Variants in LINGO2 observed in about 807,000 individuals in gnomAD.
LINGO2 encodes leucine-rich repeat and immunoglobulin-like domain-containing nogo receptor-interacting protein 2.
A neutral mutation model predicts 30.6 loss-of-function variants in LINGO2; 14 were observed. The ratio of observed to expected loss-of-function variants is 0.46; its 90% CI spans 0.30 to 0.72. The LOEUF is 0.72. Among genes scored for constraint, LINGO2 ranks in the 30% least tolerant of loss-of-function variants. LINGO2 has a pLI of 0.07. For missense variants in LINGO2, 729 were observed against 751.7 expected (o/e 0.97, Z 0.35); for synonymous variants, 317 against 288.5 (o/e 1.10, Z -1.00).
chr9:28,808,126 A>ATTATTTCTC, the LINGO2 span, among the ~76,000 whole-genome samples: 1 of 152,154 alleles, frequency 6.6e-6, no homozygotes, highest in Non-Finnish European at 1.5e-5. Context: ...TTTTCTCTCA[A>ATTATTTCTC]TGCCATTTCA....
intron 3 of LINGO2, among the ~76,000 whole-genome samples, chr9:28,356,365 T>G (rs911725386): frequency 1.3e-5 from 2 of 152,158 alleles, no homozygotes; most frequent in African/African-American, 4.8e-5. Context: ...TATTGTAACA[T>G]GTATAAACTC....
intron 2 of LINGO2, among the ~76,000 whole-genome samples, chr9:28,373,098 T>C (rs1820968510): frequency 6.6e-6 from 1 of 152,162 alleles, no homozygotes; most frequent in South Asian, 2.1e-4. Context: ...ATTTGCTTTT[T>C]AAAATTTCTT....
the LINGO2 span, among the ~76,000 whole-genome samples, chr9:29,023,012 G>T: frequency 6.6e-6 from 1 of 150,720 alleles, no homozygotes. Context: ...ATTATGAAAT[G>T]CCTCATTTTT....
chr9:28,077,081 C>T (rs946845572), intron 4 of LINGO2, among the ~76,000 whole-genome samples: 1 of 152,054 alleles, frequency 6.6e-6, no homozygotes, highest in Non-Finnish European at 1.5e-5. Context: ...CTGGTTTCTA[C>T]CCCATAGAAA....
At chr9:29,201,031 T>C in the LINGO2 span, among the ~76,000 whole-genome samples, 1 of 152,076 alleles carries the variant, frequency 6.6e-6, no homozygotes, top group Non-Finnish European at 1.5e-5. Context: ...ACAGTTGATG[T>C]TGACCTTGGT....
intron 5 of LINGO2, among the ~76,000 whole-genome samples, chr9:27,953,577 A>G (rs1198316487): frequency 6.6e-6 from 1 of 152,130 alleles, no homozygotes; most frequent in Non-Finnish European, 1.5e-5. Context: ...TGTTCTTGTG[A>G]TAATGAGAGT....
chr9:28,267,625 C>G (rs369775149), intron 4 of LINGO2, among the ~76,000 whole-genome samples: 9 of 152,008 alleles, frequency 5.9e-5, no homozygotes, highest in Non-Finnish European at 1.0e-4. Flanking sequence ...CCTTAATCTT[C>G]ACCTGACAAA....
chr9:28,251,732 G>A (rs1822207793), intron 4 of LINGO2, among the ~76,000 whole-genome samples: 1 of 151,284 alleles, frequency 6.6e-6, no homozygotes, highest in African/African-American at 2.4e-5. Context: ...AGATTTCAAA[G>A]AAAAGCAAGA....
the LINGO2 span, among the ~76,000 whole-genome samples, chr9:28,694,770 G>C: frequency 6.6e-6 from 1 of 151,916 alleles, no homozygotes; most frequent in Non-Finnish European, 1.5e-5. Flanking sequence ...TTGTGTGGGG[G>C]CTCTAGTAAT....
At chr9:28,867,034 A>G in the LINGO2 span, among the ~76,000 whole-genome samples, 4 of 152,204 alleles carry the variant, frequency 2.6e-5, no homozygotes, top group Non-Finnish European at 5.9e-5. Context: ...ATCAAAATAC[A>G]GGCCATAATA....
At chr9:28,432,713 A>C (rs1823727883) in intron 2 of LINGO2, among the ~76,000 whole-genome samples, 1 of 152,158 alleles carries the variant, frequency 6.6e-6, no homozygotes, top group South Asian at 2.1e-4. Context: ...TGAATGCAGA[A>C]TAGAAAAATG....
At chr9:28,410,254 T>G (rs1046669100) in intron 2 of LINGO2, among the ~76,000 whole-genome samples, 10 of 152,210 alleles carry the variant, frequency 6.6e-5, no homozygotes, top group East Asian at 5.8e-4. Flanking sequence ...CTCCATCTTA[T>G]TTTATAATTT....
the LINGO2 span, among the ~76,000 whole-genome samples, chr9:28,870,418 A>G: frequency 2.9e-4 from 44 of 152,022 alleles, no homozygotes; most frequent in African/African-American, 1.1e-3. Flanking sequence ...TTCTTGTTCA[A>G]TCTTAGACAC....
At chr9:28,532,060 A>G (rs1247976088) in intron 1 of LINGO2, among the ~76,000 whole-genome samples, 1 of 152,186 alleles carries the variant, frequency 6.6e-6, no homozygotes, top group African/African-American at 2.4e-5. Flanking sequence ...AGATTTTTAA[A>G]AATGAGGCAA....
chr9:28,777,045 C>G, the LINGO2 span, among the ~76,000 whole-genome samples: 1 of 152,018 alleles, frequency 6.6e-6, no homozygotes, highest in Non-Finnish European at 1.5e-5. Flanking sequence ...TGCTCCCTCT[C>G]CCACTTGCTC....
chr9:29,179,049 C>T, the LINGO2 span, among the ~76,000 whole-genome samples: 3 of 150,892 alleles, frequency 2.0e-5, no homozygotes, highest in East Asian at 5.8e-4. Flanking sequence ...CTGGTTGAGG[C>T]TATTGACATA....
the LINGO2 span, among the ~76,000 whole-genome samples, chr9:29,189,916 G>A: frequency 1.3e-5 from 2 of 151,590 alleles, no homozygotes; most frequent in East Asian, 1.9e-4. Flanking sequence ...GCAGGCTGAG[G>A]CAGGAGAATC....
rs139442643 is a variant in LINGO2, at chr9:27,993,736, G to A, written c.-36+18619C>T. Among the ~76,000 whole-genome samples the A allele has an allele frequency of 5.9e-5, 9 of 152,154 alleles. No individual in the cohort carries two copies. In the East Asian group the frequency reaches 1.7e-3, roughly 29 times the overall value. On this transcript the variant is annotated intron_variant, in intron 5 of 5. Coordinates refer to ENST00000379992, the Ensembl canonical transcript of LINGO2. Reference sequence around the variant, plus strand: ...ACTACTTTAATTATAATTGCTGAAAGAAAGGTAATCTTACATTTTAACATT... The same window carrying A: ...ACTACTTTAATTATAATTGCTGAAAAAAAGGTAATCTTACATTTTAACATT...
rs77584799 is a variant in LINGO2, at chr9:28,145,099, T to A, written c.-86-132694A>T. Among the ~76,000 whole-genome samples, 1,447 of 152,312 alleles carry A rather than the reference T, an allele frequency of 9.5e-3. 9 individuals carry two copies. The highest frequency in any genetic ancestry group is 0.014 in the Non-Finnish European group (951 of 68,028). On this transcript the variant is annotated intron_variant, in intron 4 of 5. Coordinates refer to ENST00000379992, the Ensembl canonical transcript of LINGO2. ...TCACCTTTTCTCTTTTCTCCATCCA[T>A]CACTGCATTGTCACAGTGTTCTCTG...
Sources: gnomAD v4.1 joint callset for allele counts (sites outside exome capture counted in the v4.1 genomes callset) on GRCh38, gnomAD v4.1.1 for gene constraint, MANE v1.5 for transcripts, NCBI Gene and HGNC (gene_info 2026-07-23, HGNC 2026-07-21) for gene names.